The following OSBP2 variants were observed in gnomAD, a reference collection of about 807,000 sequenced individuals.
OSBP2 encodes the protein oxysterol-binding protein 2.
In OSBP2, 66 loss-of-function variants were observed where a neutral mutation model predicts 96.0. The ratio of observed to expected loss-of-function variants is 0.69; its 90% CI spans 0.56 to 0.84. OSBP2 has a LOEUF of 0.84. OSBP2 is among the 40% of genes least tolerant of loss of function. The pLI is 0.00. For missense variants in OSBP2, 1,038 were observed against 1,222.7 expected, an observed-to-expected ratio of 0.85 and a Z score of 2.25; for synonymous variants, 525 against 520.9, an observed-to-expected ratio of 1.01 and a Z score of -0.11.
chr22:30,840,503 A>C (rs375568245), intron 2 of OSBP2, among the ~76,000 whole-genome samples: 2 of 152,160 alleles, frequency 1.3e-5, no homozygotes, highest in East Asian at 3.9e-4. Flanking sequence ...TGGGAGGGAG[A>C]TGGGGTGGGG....
chr22:30,813,222 C>T (rs2091035185), intron 2 of OSBP2, among the ~76,000 whole-genome samples: 1 of 143,098 alleles, frequency 7.0e-6, no homozygotes, highest in Non-Finnish European at 1.5e-5. Flanking sequence ...CTCTGTTGCC[C>T]AGGCTGGAGT....
chr22:30,858,915 A>AATAATAATAATAAT (rs1337873376), intron 2 of OSBP2, among the ~76,000 whole-genome samples: 37 of 111,936 alleles, frequency 3.3e-4, no homozygotes, highest in African/African-American at 1.4e-3. Context: ...ATAATAATAA[A>AATAATAATAATAAT]AGCATTCCCA....
At chr22:30,776,009 T>C (rs2090430177) in intron 2 of OSBP2, among the ~76,000 whole-genome samples, 1 of 152,108 alleles carries the variant, frequency 6.6e-6, no homozygotes, top group Non-Finnish European at 1.5e-5. Context: ...TTGTCCAGGC[T>C]GGTCTTGAAC....
chr22:30,766,072 A>C (rs1229124111), intron 2 of OSBP2, among the ~76,000 whole-genome samples: 1 of 152,138 alleles, frequency 6.6e-6, no homozygotes, highest in Non-Finnish European at 1.5e-5. Context: ...CATCTTTCAA[A>C]AAAAGTAATA....
At chr22:30,859,513 C>T (rs1469397667) in intron 2 of OSBP2, among the ~76,000 whole-genome samples, 1 of 151,242 alleles carries the variant, frequency 6.6e-6, no homozygotes. Flanking sequence ...GGCACCAGGC[C>T]GTGTGGCGAG....
chr22:30,838,835 T>A (rs2038687434), intron 2 of OSBP2, among the ~76,000 whole-genome samples: 1 of 151,862 alleles, frequency 6.6e-6, no homozygotes, highest in African/African-American at 2.4e-5. Flanking sequence ...TTCGTTTTGT[T>A]TTTTTTTATT....
intron 2 of OSBP2, among the ~76,000 whole-genome samples, chr22:30,754,218 T>A (rs529793839): frequency 6.6e-6 from 1 of 152,290 alleles, no homozygotes; most frequent in African/African-American, 2.4e-5. Flanking sequence ...CTGGATGTGT[T>A]TTCCCTGCAC....
intron 1 of OSBP2, among the ~76,000 whole-genome samples, chr22:30,729,653 A>G (rs575166809): frequency 6.6e-5 from 10 of 151,954 alleles, no homozygotes; most frequent in East Asian, 1.9e-4. Context: ...ATATATATAT[A>G]TGTGTGTGTA....
chr22:30,905,820 C>T lies in OSBP2; in HGVS notation c.2376-17C>T. 6.2e-7 allele frequency: 1 copy of T among 1,611,136 alleles called. No homozygotes were observed. The highest frequency in any genetic ancestry group is 8.5e-7 in the Non-Finnish European group (1 of 1,179,200). Reference sequence around the variant, plus strand: ...CTCACACCGCAGCCACCGCCACCGCCACCACCACCGCCACAGGGAGAACGC... The same window carrying T: ...CTCACACCGCAGCCACCGCCACCGCTACCACCACCGCCACAGGGAGAACGC... On this transcript the variant is annotated splice_polypyrimidine_tract_variant and intron_variant, in intron 12 of 13. Coordinates refer to ENST00000332585, the MANE Select transcript of OSBP2 (RefSeq NM_030758.4).
intron 1 of OSBP2, among the ~76,000 whole-genome samples, chr22:30,730,385 G>C (rs2089729361): frequency 6.6e-6 from 1 of 152,040 alleles, no homozygotes; most frequent in South Asian, 2.1e-4. Context: ...CCCTTATTTT[G>C]AATTTATTTC....
intron 2 of OSBP2, among the ~76,000 whole-genome samples, chr22:30,842,175 G>A (rs2038766343): frequency 6.6e-6 from 1 of 152,150 alleles, no homozygotes; most frequent in Non-Finnish European, 1.5e-5. Context: ...TCGAACTCCT[G>A]AAGTGGGAGT....
chr22:30,822,942 G>C (rs1221475029), intron 2 of OSBP2, among the ~76,000 whole-genome samples: 2 of 152,238 alleles, frequency 1.3e-5, no homozygotes, highest in South Asian at 2.1e-4. Context: ...CTAGAGACTT[G>C]TCCGTCTAAT....
intron 2 of OSBP2, among the ~76,000 whole-genome samples, chr22:30,828,649 T>C (rs2146997728): frequency 6.6e-6 from 1 of 152,166 alleles, no homozygotes; most frequent in Non-Finnish European, 1.5e-5. Flanking sequence ...GGGCACTGTA[T>C]GTAAGAGTGT....
intron 2 of OSBP2, among the ~76,000 whole-genome samples, chr22:30,847,809 G>A (rs997290202): frequency 6.6e-6 from 1 of 152,104 alleles, no homozygotes; most frequent in South Asian, 2.1e-4. Flanking sequence ...TTGTCTGTGA[G>A]ATCTGTAGTG....
rs1483340877 is a variant in OSBP2, at chr22:30,890,498, G to C, written c.1624-230G>C. ...GAGAGCAACAGTGAACATGATAAAA[G>C]TGTGTAGGATGCAGCAGACCAGAAA... On this transcript the variant is annotated intron_variant, in intron 7 of 13. Transcript: ENST00000332585. The surrounding 1 kb of genome is among the most constrained non-coding windows in gnomAD (Gnocchi z 4.4). Among the ~76,000 whole-genome samples the C allele has an allele frequency of 1.3e-5, 2 of 152,220 alleles. No homozygotes were observed. Among genetic ancestry groups the C allele is most frequent in the African/African-American group, 2.4e-5 (1 of 41,460 alleles).
At chr22:30,703,414 T>C (rs754950885) in intron 1 of OSBP2, among the ~76,000 whole-genome samples, 58 of 151,972 alleles carry the variant, frequency 3.8e-4, no homozygotes, top group Admixed American at 1.0e-3. Flanking sequence ...GTTCAAGTGA[T>C]CCACTCTCCT....
chr22:30,751,715 C>G (rs1018905347), intron 2 of OSBP2, among the ~76,000 whole-genome samples: 2 of 152,182 alleles, frequency 1.3e-5, no homozygotes, highest in Non-Finnish European at 1.5e-5. Flanking sequence ...CATAAATCAT[C>G]CGCCCACAGC....
intron 8 of OSBP2, 142 bp downstream of exon 8, chr22:30,891,115 A>T: frequency 9.4e-7 from 1 of 1,060,324 alleles, no homozygotes; most frequent in Non-Finnish European, 1.3e-6. Flanking sequence ...GCTGAGGTCC[A>T]GCCAGGGAGC....
chr22:30,873,332 A>G (rs1252890137), intron 3 of OSBP2, among the ~76,000 whole-genome samples: 1 of 152,112 alleles, frequency 6.6e-6, no homozygotes, highest in East Asian at 1.9e-4. Flanking sequence ...GATGCGGGGC[A>G]GCCTCACCCG....
Sources: gnomAD v4.1 joint callset for allele counts (sites outside exome capture counted in the v4.1 genomes callset) on GRCh38, gnomAD v4.1.1 for gene constraint, Gnocchi (gnomAD v3.1) non-coding constraint, MANE v1.5 for transcripts, NCBI Gene and HGNC (gene_info 2026-07-23, HGNC 2026-07-21) for gene names.